PHF14: variants seen among roughly 807,000 people sequenced by gnomAD.
PHF14 encodes the protein PHD finger protein 14.
Under a neutral mutation model 117.9 loss-of-function variants are expected in PHF14, and 55 were observed. That is an observed-to-expected ratio of 0.47 (90% CI 0.38 to 0.58). The LOEUF is 0.58. Among genes scored for constraint, PHF14 ranks in the 20% least tolerant of loss-of-function variants. PHF14 has a pLI of 0.00. For missense variants in PHF14, 978 were observed against 1,122.2 expected (o/e 0.87, Z 1.84); for synonymous variants, 409 against 368.6 (o/e 1.11, Z -1.26).
chr7:10,976,195 T>C (rs1165365820), intron 2 of PHF14, among the ~76,000 whole-genome samples: 2 of 152,204 alleles, frequency 1.3e-5, no homozygotes, highest in African/African-American at 4.8e-5. Context: ...ATTTGGTTAC[T>C]AATTGAATTC....
chr7:11,074,898 A>G (rs1020581835), intron 16 of PHF14, among the ~76,000 whole-genome samples: 5 of 146,538 alleles, frequency 3.4e-5, no homozygotes, highest in African/African-American at 7.6e-5. Context: ...ACCTCTGCCC[A>G]TTACCCAGTT....
intron 8 of PHF14, among the ~76,000 whole-genome samples, chr7:11,036,024 G>A (rs1784316157): frequency 6.6e-6 from 1 of 152,104 alleles, no homozygotes; most frequent in Non-Finnish European, 1.5e-5. Context: ...AAATGTGACT[G>A]TGAGGAAATT....
At chr7:11,064,330 A>G (rs1401607360) in intron 16 of PHF14, among the ~76,000 whole-genome samples, 1 of 151,908 alleles carries the variant, frequency 6.6e-6, no homozygotes, top group East Asian at 1.9e-4. Flanking sequence ...ACACTTTTTT[A>G]TTACATTGCA....
At chr7:11,016,249 T>C (rs1783530458) in intron 5 of PHF14, among the ~76,000 whole-genome samples, 1 of 152,140 alleles carries the variant, frequency 6.6e-6, no homozygotes, top group East Asian at 1.9e-4. Flanking sequence ...CTTCACAATA[T>C]TTCCAAGGAC....
intron 2 of PHF14, among the ~76,000 whole-genome samples, chr7:10,975,423 T>C (rs1781827267): frequency 6.6e-6 from 1 of 152,236 alleles, no homozygotes; most frequent in Admixed American, 6.5e-5. Context: ...CTTCAAATTA[T>C]AGTAGGTGCT....
At chr7:11,104,982 G>C in intron 16 of PHF14, 1 of 909,524 alleles carries the variant, frequency 1.1e-6, no homozygotes, top group Non-Finnish European at 1.3e-6. Context: ...AAAAGAATTA[G>C]TAATTTCATC....
At chr7:11,146,588 T>C (rs1367022132) in intron 17 of PHF14, among the ~76,000 whole-genome samples, 1 of 152,168 alleles carries the variant, frequency 6.6e-6, no homozygotes, top group African/African-American at 2.4e-5. Flanking sequence ...TAAATTGAAA[T>C]TGAGAGATTT....
chr7:11,148,929 G>A (rs1583502952), intron 17 of PHF14, among the ~76,000 whole-genome samples: 1 of 151,786 alleles, frequency 6.6e-6, no homozygotes, highest in Non-Finnish European at 1.5e-5. Flanking sequence ...CTTTTATTGT[G>A]TTATAAACAT....
intron 5 of PHF14, among the ~76,000 whole-genome samples, chr7:11,017,212 G>A (rs1019231367): frequency 8.0e-5 from 12 of 150,926 alleles, no homozygotes; most frequent in Admixed American, 5.3e-4. Flanking sequence ...GACAAATATA[G>A]GAGTGCAGAT....
chr7:11,046,833 C>T (rs541630548), intron 13 of PHF14, among the ~76,000 whole-genome samples: 2 of 150,950 alleles, frequency 1.3e-5, no homozygotes, highest in African/African-American at 4.9e-5. Context: ...CCTCTAAATA[C>T]AGGAGAAAAC....
At chr7:11,004,723 C>G (rs1047625564) in intron 4 of PHF14, among the ~76,000 whole-genome samples, 1 of 150,282 alleles carries the variant, frequency 6.7e-6, no homozygotes, top group Non-Finnish European at 1.5e-5. Flanking sequence ...TGTTTAGTTC[C>G]CATTATATCA....
At chr7:11,069,962 T>C (rs991831459) in intron 16 of PHF14, among the ~76,000 whole-genome samples, 2 of 152,132 alleles carry the variant, frequency 1.3e-5, no homozygotes, top group African/African-American at 4.8e-5. Flanking sequence ...AGCATTTGTT[T>C]AAGATACTGT....
intron 3 of PHF14, among the ~76,000 whole-genome samples, chr7:10,988,016 C>CA (rs60714759): frequency 0.47 from 53,876 of 115,038 alleles, 12,116 homozygotes; most frequent in Middle Eastern, 0.64. Flanking sequence ...AACTCCTTCT[C>CA]AAAAAAAAAA....
chr7:11,022,513 T>C (rs1480954005), intron 5 of PHF14, among the ~76,000 whole-genome samples: 3 of 152,200 alleles, frequency 2.0e-5, no homozygotes, highest in Non-Finnish European at 4.4e-5. Context: ...TACCTTTCCT[T>C]GCATATGAAA....
intron 4 of PHF14, among the ~76,000 whole-genome samples, chr7:11,006,138 C>T (rs1005732869): frequency 3.3e-5 from 5 of 152,114 alleles, no homozygotes; most frequent in African/African-American, 1.2e-4. Context: ...AGATTGACTA[C>T]CAAAAGGACT....
rs539586057 is a variant in PHF14, at chr7:11,124,719, G to A, written c.2772+13252G>A. 3.3e-5 allele frequency among the ~76,000 whole-genome samples: 5 copies of A among 151,980 alleles called. No homozygotes were observed. In the East Asian group the frequency reaches 9.7e-4, roughly 29 times the overall value. On this transcript the variant is annotated intron_variant, in intron 17 of 17. Transcript: ENST00000634607. The stretch of plus-strand genomic sequence containing the variant: ...AGATCTCCCTGACTCTAGAGCCTGT[G>A]TTTTAGAAACTAGATTTTATATATT...
intron 17 of PHF14, among the ~76,000 whole-genome samples, chr7:11,127,348 TC>T (rs1275792673): frequency 6.6e-6 from 1 of 151,912 alleles, no homozygotes; most frequent in Non-Finnish European, 1.5e-5. Context: ...AGAACTTAGT[TC>T]CGTTTATCTC....
In PHF14 at chr7:11,051,780, G is replaced by A; in HGVS notation, c.2481G>A (p.Thr827=). The A allele has an allele frequency of 3.1e-6, 5 of 1,611,746 alleles. No individual in the cohort carries two copies. Among genetic ancestry groups the A allele is most frequent in the South Asian group, 1.1e-5 (1 of 90,758 alleles). ...CCAAGAAGATTCCGATAAGAAACAC[G>A]GTAGTTTATTTTTTATTTATCATAA... ...PEPKKIPIRN[T]RTRGRKRSFV... The change falls in exon 14 of 18, where the codon ACG becomes ACA. Residue 827 remains threonine (T), a splice_region_variant and synonymous_variant. Transcript: ENST00000634607.
At chr7:11,010,380 A>G (rs111584225) in intron 4 of PHF14, among the ~76,000 whole-genome samples, 2,411 of 152,192 alleles carry the variant, frequency 0.016, 49 homozygotes, top group African/African-American at 0.055. Flanking sequence ...ATTTAATGAC[A>G]TTAAAGAAAT....
Sources: gnomAD v4.1 joint callset for allele counts (sites outside exome capture counted in the v4.1 genomes callset) on GRCh38, gnomAD v4.1.1 for gene constraint, MANE v1.5 for transcripts, NCBI Gene and HGNC (gene_info 2026-07-23, HGNC 2026-07-21) for gene names.